The following GLRA2 variants were observed in gnomAD, a reference collection of about 807,000 sequenced individuals.
GLRA2 encodes the protein glycine receptor subunit alpha-2.
GLRA2 carries 11 observed loss-of-function variants against 31.6 expected under a neutral mutation model. The ratio of observed to expected loss-of-function variants is 0.35; its 90% CI spans 0.22 to 0.58. The LOEUF (loss-of-function observed/expected upper bound fraction) is 0.58, where lower values mean the gene tolerates loss of function less well. Among genes scored for constraint, GLRA2 ranks in the 20% least tolerant of loss-of-function variants. GLRA2 has a pLI of 0.84. For synonymous variants in GLRA2, 132 were observed against 134.0 expected (o/e 0.99, Z 0.10); for missense variants, 212 against 351.8 (o/e 0.60, Z 3.18).
At chrX:14,600,495 TAATTA>T (rs1466350212) in intron 4 of GLRA2, among the ~76,000 whole-genome samples, 1 of 111,527 alleles carries the variant, frequency 9.0e-6, no homozygotes, top group Non-Finnish European at 1.9e-5. Context: ...ATATGCCATC[TAATTA>T]TTTTCATATA....
chrX:14,662,631 A>G (rs968468377), intron 7 of GLRA2, among the ~76,000 whole-genome samples: 1 of 111,794 alleles, frequency 8.9e-6, no homozygotes, highest in Non-Finnish European at 1.9e-5. Flanking sequence ...TGAATGCTAT[A>G]TATGATTTGT....
chrX:14,469,340 G>A, the GLRA2 span, among the ~76,000 whole-genome samples: 2 of 110,981 alleles, frequency 1.8e-5, no homozygotes, highest in African/African-American at 3.3e-5. Flanking sequence ...ATTAATTTTT[G>A]TATAAGGTGT....
chrX:14,634,193 C>T (rs886544789), intron 7 of GLRA2, among the ~76,000 whole-genome samples: 4 of 111,763 alleles, frequency 3.6e-5, no homozygotes, highest in Non-Finnish European at 7.5e-5. Context: ...AAGTGATCCA[C>T]CTGCCTCGGC....
chrX:14,574,639 A>T (rs2089928733), intron 3 of GLRA2: 2 of 735,075 alleles, frequency 2.7e-6, no homozygotes, highest in Admixed American at 2.4e-5. Flanking sequence ...TATTTGTGAG[A>T]CATTTACTGA....
At chrX:14,564,440 C>G (rs1046191487) in intron 2 of GLRA2, among the ~76,000 whole-genome samples, 11 of 111,293 alleles carry the variant, frequency 9.9e-5, no homozygotes, top group African/African-American at 3.6e-4. Context: ...TACCACTTGG[C>G]CTACGAGAAA....
At chrX:14,464,422 A>G in the GLRA2 span, among the ~76,000 whole-genome samples, 9 of 111,600 alleles carry the variant, frequency 8.1e-5, no homozygotes, top group Admixed American at 2.9e-4. Context: ...TCCCAGCACC[A>G]TTTATTGAAG....
At chrX:14,468,921 G>A in the GLRA2 span, among the ~76,000 whole-genome samples, 2 of 110,530 alleles carry the variant, frequency 1.8e-5, no homozygotes, top group African/African-American at 3.3e-5. Flanking sequence ...GCCAGTGATG[G>A]TGAGCATTTT....
chrX:14,517,694 A>G, the GLRA2 span, among the ~76,000 whole-genome samples: 3 of 111,696 alleles, frequency 2.7e-5, no homozygotes, highest in Non-Finnish European at 5.6e-5. Flanking sequence ...CAGCCAAACC[A>G]TATCAAAGAT....
intron 7 of GLRA2, among the ~76,000 whole-genome samples, chrX:14,610,813 T>C (rs1420072043): frequency 8.9e-6 from 1 of 112,493 alleles, no homozygotes; most frequent in Admixed American, 9.4e-5. Context: ...AATGGGAGTT[T>C]GAGTTTTTAT....
chrX:14,629,295 T>C (rs1351370232), intron 7 of GLRA2, among the ~76,000 whole-genome samples: 1 of 111,517 alleles, frequency 9.0e-6, no homozygotes, highest in Non-Finnish European at 1.9e-5. Flanking sequence ...GCCTTCCCCA[T>C]AAAGCACTGG....
chrX:14,467,644 G>A, the GLRA2 span, among the ~76,000 whole-genome samples: 1 of 111,593 alleles, frequency 9.0e-6, no homozygotes, highest in Non-Finnish European at 1.9e-5. Context: ...TGATGTTATA[G>A]GCCTGCATGT....
chrX:14,594,259 CT>C (rs763485161), intron 4 of GLRA2, among the ~76,000 whole-genome samples: 26 of 107,783 alleles, frequency 2.4e-4, no homozygotes, highest in African/African-American at 8.1e-4. Context: ...TCTCTTCCCC[CT>C]TTTTTTTAAA....
the GLRA2 span, among the ~76,000 whole-genome samples, chrX:14,456,714 T>A: frequency 1.8e-5 from 2 of 112,722 alleles, no homozygotes; most frequent in African/African-American, 6.4e-5. Context: ...CCAAATAATA[T>A]TCCATCATGT....
intron 7 of GLRA2, among the ~76,000 whole-genome samples, chrX:14,633,086 T>C (rs2090669163): frequency 9.0e-6 from 1 of 111,542 alleles, no homozygotes; most frequent in Non-Finnish European, 1.9e-5. Flanking sequence ...CCTGATCCAA[T>C]GGAAAAAAGC....
At chrX:14,684,655 A>C (rs2091255350) in intron 7 of GLRA2, among the ~76,000 whole-genome samples, 1 of 111,864 alleles carries the variant, frequency 8.9e-6, no homozygotes, top group Non-Finnish European at 1.9e-5. Context: ...TGATTTTTGC[A>C]CATTGATTTT....
chrX:14,580,398 TA>T (rs1230059451), intron 3 of GLRA2, among the ~76,000 whole-genome samples: 1 of 112,017 alleles, frequency 8.9e-6, no homozygotes, highest in Non-Finnish European at 1.9e-5. Flanking sequence ...AGTGAAGTAG[TA>T]CTTTCAATGA....
At chrX:14,683,030 T>C (rs891969347) in intron 7 of GLRA2, among the ~76,000 whole-genome samples, 12 of 112,060 alleles carry the variant, frequency 1.1e-4, no homozygotes, top group Non-Finnish European at 2.1e-4. Flanking sequence ...TGTGTCTTTA[T>C]AGAAGCATGA....
chrX:14,665,708 C>T (rs1456860616), intron 7 of GLRA2, among the ~76,000 whole-genome samples: 2 of 112,023 alleles, frequency 1.8e-5, no homozygotes, highest in South Asian at 3.7e-4. Flanking sequence ...TCATCTGGTC[C>T]ATGTCCTTTC....
At chrX:14,563,832 G>C (rs182456574) in intron 2 of GLRA2, among the ~76,000 whole-genome samples, 1 of 111,343 alleles carries the variant, frequency 9.0e-6, no homozygotes, top group East Asian at 2.8e-4. Flanking sequence ...AATTCACTAG[G>C]GTAGTTTAAC....
Sources: gnomAD v4.1 joint callset for allele counts (sites outside exome capture counted in the v4.1 genomes callset) on GRCh38, gnomAD v4.1.1 for gene constraint, MANE v1.5 for transcripts, NCBI Gene and HGNC (gene_info 2026-07-23, HGNC 2026-07-21) for gene names.